The following SPOCK3 variants were observed in gnomAD, a reference collection of about 807,000 sequenced individuals.
SPOCK3 encodes the protein SPARC (osteonectin), cwcv and kazal like domains proteoglycan 3.
SPOCK3 carries 30 observed loss-of-function variants against 56.6 expected under a neutral mutation model. The observed-to-expected ratio is 0.53, with a 90% CI of 0.40 to 0.72. The LOEUF is 0.72. Among genes scored for constraint, SPOCK3 ranks in the 30% least tolerant of loss-of-function variants. The pLI, the probability that SPOCK3 is intolerant of heterozygous loss-of-function variation, is 0.00. For synonymous variants in SPOCK3, 196 were observed against 183.3 expected, an observed-to-expected ratio of 1.07 and a Z score of -0.56; for missense variants, 527 against 530.0, an observed-to-expected ratio of 0.99 and a Z score of 0.06.
intron 2 of SPOCK3, among the ~76,000 whole-genome samples, chr4:167,082,756 AAGGG>A (rs564178292): frequency 1.3e-3 from 143 of 112,294 alleles, no homozygotes; most frequent in Middle Eastern, 8.2e-3. Flanking sequence ...GGAAGGAAGG[AAGGG>A]AGGGAGGGAG....
intron 2 of SPOCK3, among the ~76,000 whole-genome samples, chr4:167,096,323 C>T (rs1000269280): frequency 2.0e-5 from 3 of 151,822 alleles, no homozygotes; most frequent in African/African-American, 4.8e-5. Flanking sequence ...AATACTTTCT[C>T]GAATTTTTCT....
intron 5 of SPOCK3, among the ~76,000 whole-genome samples, chr4:166,899,010 G>A (rs1735711384): frequency 6.6e-6 from 1 of 152,008 alleles, no homozygotes; most frequent in Non-Finnish European, 1.5e-5. Flanking sequence ...AGTGCAAATT[G>A]CCTCTCTCTG....
At chr4:167,008,507 T>C (rs1561113498) in intron 3 of SPOCK3, among the ~76,000 whole-genome samples, 1 of 152,110 alleles carries the variant, frequency 6.6e-6, no homozygotes, top group Non-Finnish European at 1.5e-5. Flanking sequence ...TGCAGGCTTT[T>C]TAAGAAATTC....
intron 6 of SPOCK3, among the ~76,000 whole-genome samples, chr4:166,887,438 C>T (rs145480741): frequency 6.6e-6 from 1 of 152,150 alleles, no homozygotes; most frequent in East Asian, 1.9e-4. Context: ...AAGTGATTTC[C>T]AAAGATAAAT....
intron 2 of SPOCK3, among the ~76,000 whole-genome samples, chr4:167,153,914 A>AGAGCTAG (rs58229866): frequency 1 from 152,044 of 152,172 alleles, 75,958 homozygotes; most frequent in Middle Eastern, 1. Flanking sequence ...GGGAAAAACT[A>AGAGCTAG]GGCTTTAATC....
intron 8 of SPOCK3, among the ~76,000 whole-genome samples, chr4:166,753,247 T>A (rs1346244768): frequency 6.6e-6 from 1 of 152,024 alleles, no homozygotes; most frequent in African/African-American, 2.4e-5. Context: ...AAAGAGTACA[T>A]GACTACGTGT....
At chr4:166,917,122 A>G (rs1188139904) in intron 4 of SPOCK3, among the ~76,000 whole-genome samples, 1 of 152,192 alleles carries the variant, frequency 6.6e-6, no homozygotes, top group African/African-American at 2.4e-5. Flanking sequence ...AAAGAGGCAC[A>G]GTTTCCATGA....
chr4:167,151,836 CTG>C, intron 2 of SPOCK3, among the ~76,000 whole-genome samples: 1 of 152,182 alleles, frequency 6.6e-6, no homozygotes, highest in Non-Finnish European at 1.5e-5. Flanking sequence ...TTTCCTCTAA[CTG>C]TGAAAATATT....
chr4:167,126,748 T>A (rs1762318785), intron 2 of SPOCK3, among the ~76,000 whole-genome samples: 1 of 152,160 alleles, frequency 6.6e-6, no homozygotes, highest in African/African-American at 2.4e-5. Flanking sequence ...CAACTTATCC[T>A]TTTAGAAAAC....
intron 3 of SPOCK3, among the ~76,000 whole-genome samples, chr4:167,013,238 C>T (rs561858041): frequency 1.3e-5 from 2 of 151,888 alleles, no homozygotes; most frequent in Admixed American, 1.3e-4. Context: ...AAAGCAAAAG[C>T]TACTACATTG....
At chr4:166,919,009 A>G (rs954398735) in intron 4 of SPOCK3, among the ~76,000 whole-genome samples, 1 of 152,068 alleles carries the variant, frequency 6.6e-6, no homozygotes, top group Non-Finnish European at 1.5e-5. Context: ...GAGTGGAAGC[A>G]CTCTGGGGCT....
At chr4:166,817,265 T>G (rs913877004) in intron 6 of SPOCK3, among the ~76,000 whole-genome samples, 5 of 152,078 alleles carry the variant, frequency 3.3e-5, no homozygotes, top group African/African-American at 1.2e-4. Context: ...TGTAATGGGC[T>G]GTAGACAAAC....
intron 7 of SPOCK3, among the ~76,000 whole-genome samples, chr4:166,773,256 G>A (rs1003021138): frequency 6.6e-5 from 10 of 152,006 alleles, no homozygotes; most frequent in South Asian, 2.1e-4. Flanking sequence ...ATATCATACC[G>A]GAAAATAAAG....
At chr4:166,918,718 T>G (rs1200368522) in intron 4 of SPOCK3, among the ~76,000 whole-genome samples, 2 of 152,196 alleles carry the variant, frequency 1.3e-5, no homozygotes, top group African/African-American at 4.8e-5. Context: ...ATTCCTAAGA[T>G]AAATTAACTA....
At chr4:166,934,669 T>C (rs1171225182) in intron 4 of SPOCK3, among the ~76,000 whole-genome samples, 2 of 152,140 alleles carry the variant, frequency 1.3e-5, no homozygotes, top group Non-Finnish European at 2.9e-5. Flanking sequence ...TTATGATTAT[T>C]AAAACAATGT....
intron 2 of SPOCK3, among the ~76,000 whole-genome samples, chr4:167,228,593 C>T (rs1451386874): frequency 6.6e-6 from 1 of 152,104 alleles, no homozygotes; most frequent in Non-Finnish European, 1.5e-5. Flanking sequence ...GATGACAAAA[C>T]CAAACTTAAA....
intron 2 of SPOCK3, among the ~76,000 whole-genome samples, chr4:167,223,133 A>ATATAT (rs1554055780): frequency 1.1e-5 from 1 of 90,936 alleles, no homozygotes; most frequent in Non-Finnish European, 2.0e-5. Context: ...ATATATGAAT[A>ATATAT]TATATTTTAT....
intron 2 of SPOCK3, among the ~76,000 whole-genome samples, chr4:167,171,263 A>T (rs1561288802): frequency 6.6e-6 from 1 of 152,144 alleles, no homozygotes; most frequent in Non-Finnish European, 1.5e-5. Context: ...GAATGTGCAC[A>T]GGTTGATAAG....
At chr4:166,789,435 A>G (rs1741096616) in intron 7 of SPOCK3, among the ~76,000 whole-genome samples, 1 of 152,118 alleles carries the variant, frequency 6.6e-6, no homozygotes, top group African/African-American at 2.4e-5. Flanking sequence ...GTCTCAAAAA[A>G]AGAAAAAAAC....
Sources: allele counts gnomAD v4.1 joint callset (sites outside exome capture counted in the v4.1 genomes callset), GRCh38; gene constraint gnomAD v4.1.1; transcripts MANE v1.5; gene names NCBI Gene and HGNC (gene_info 2026-07-23, HGNC 2026-07-21).